SYT1: variants seen among roughly 807,000 people sequenced by gnomAD.
SYT1 encodes synaptotagmin-1.
A neutral mutation model predicts 44.8 loss-of-function variants in SYT1; 8 were observed. That is an observed-to-expected ratio of 0.18 (90% CI 0.10 to 0.32). SYT1 has a LOEUF of 0.32. Ranked by LOEUF, SYT1 falls within the 10% of genes least tolerant of loss-of-function variation. The pLI, the probability that SYT1 is intolerant of heterozygous loss-of-function variation, is 1.00. For synonymous variants in SYT1, 154 were observed against 188.8 expected, an observed-to-expected ratio of 0.82 and a Z score of 1.51; for missense variants, 286 against 509.3, an observed-to-expected ratio of 0.56 and a Z score of 4.22.
intron 3 of SYT1, among the ~76,000 whole-genome samples, chr12:79,084,885 G>A (rs182356304): frequency 6.6e-6 from 1 of 152,126 alleles, no homozygotes; most frequent in African/African-American, 2.4e-5. Context: ...AAATGCTTGG[G>A]ACCAGAAGTG....
intron 3 of SYT1, among the ~76,000 whole-genome samples, chr12:79,093,498 A>G (rs185904232): frequency 2.4e-4 from 36 of 151,842 alleles, no homozygotes; most frequent in Non-Finnish European, 4.4e-4. Flanking sequence ...TCTTGTTTTT[A>G]AAAGAGAAGA....
chr12:79,394,356 C>G (rs192620912), intron 9 of SYT1, among the ~76,000 whole-genome samples: 1 of 152,066 alleles, frequency 6.6e-6, no homozygotes, highest in African/African-American at 2.4e-5. Context: ...AAATTGAAAA[C>G]AGTAAAAATG....
chr12:78,894,988 T>C (rs555711754), intron 1 of SYT1, among the ~76,000 whole-genome samples: 1 of 151,800 alleles, frequency 6.6e-6, no homozygotes, highest in Non-Finnish European at 1.5e-5. Context: ...TTCCACAATA[T>C]ATACATATAT....
intron 4 of SYT1, among the ~76,000 whole-genome samples, chr12:79,247,940 C>T (rs555731632): frequency 1.3e-5 from 2 of 152,274 alleles, no homozygotes; most frequent in Non-Finnish European, 2.9e-5. Flanking sequence ...TAAGAAAGAA[C>T]ATCTTGAATT....
rs373201218 is a variant in SYT1, at chr12:78,871,129, C to G, written c.-217+6020C>G. ...TAAAAAGTGTTTCAAATCATACTTT[C>G]AAAATCCATCTGTGTCTGGAGACCC... On this transcript the variant is annotated intron_variant, in intron 1 of 10. Coordinates refer to ENST00000261205, the MANE Select transcript of SYT1 (RefSeq NM_005639.3). Among the ~76,000 whole-genome samples, 3 of 152,068 alleles carry G rather than the reference C, an allele frequency of 2.0e-5. No homozygotes were observed. The East Asian group carries it at 5.8e-4, about 29-fold the overall frequency.
At chr12:79,413,528 A>G (rs960546023) in intron 9 of SYT1, among the ~76,000 whole-genome samples, 5 of 152,214 alleles carry the variant, frequency 3.3e-5, no homozygotes, top group Non-Finnish European at 5.9e-5. Flanking sequence ...CCAATACAGT[A>G]AGTAGCCAGA....
intron 9 of SYT1, among the ~76,000 whole-genome samples, chr12:79,407,317 A>G (rs1216564092): frequency 2.0e-5 from 3 of 152,120 alleles, no homozygotes; most frequent in Non-Finnish European, 4.4e-5. Flanking sequence ...TCATAAGAGT[A>G]GTCTCTTCCA....
At chr12:78,931,370 AAGGAAGGAAGGAAGGAAGGAAGG>A in intron 1 of SYT1, among the ~76,000 whole-genome samples, 1 of 100,454 alleles carries the variant, frequency 1.0e-5, no homozygotes, top group African/African-American at 3.7e-5. Context: ...GGAAGGAAGG[AAGGAAGGAAGGAAGGAAGGAAGG>A]AAGGGAGGAG....
intron 4 of SYT1, among the ~76,000 whole-genome samples, chr12:79,254,194 A>G (rs1433279166): frequency 6.6e-6 from 1 of 152,196 alleles, no homozygotes; most frequent in Admixed American, 6.5e-5. Context: ...AAAGTTTCAA[A>G]GGACAGGCTG....
chr12:78,877,632 T>G (rs1157265276), intron 1 of SYT1, among the ~76,000 whole-genome samples: 1 of 151,556 alleles, frequency 6.6e-6, no homozygotes, highest in Non-Finnish European at 1.5e-5. Context: ...CATGATCAAC[T>G]AAGTTTATAT....
intron 2 of SYT1, among the ~76,000 whole-genome samples, chr12:79,005,116 T>C (rs1033502085): frequency 3.5e-4 from 53 of 152,032 alleles, no homozygotes; most frequent in Non-Finnish European, 7.1e-4. Flanking sequence ...GTGACTATGC[T>C]AATTTTATTT....
chr12:79,185,690 G>A (rs930901598), intron 3 of SYT1, among the ~76,000 whole-genome samples: 3 of 151,984 alleles, frequency 2.0e-5, no homozygotes, highest in African/African-American at 4.8e-5. Flanking sequence ...ATATGGATCA[G>A]TAGTATGTAT....
chr12:78,914,360 T>G (rs1165480530), intron 1 of SYT1, among the ~76,000 whole-genome samples: 1 of 151,916 alleles, frequency 6.6e-6, no homozygotes, highest in Non-Finnish European at 1.5e-5. Context: ...AAAATTCTAT[T>G]TCCTGGTTTG....
At chr12:79,285,749 G>C in intron 4 of SYT1, 38 bp from the exon 5 acceptor site, 1 of 1,478,842 alleles carries the variant, frequency 6.8e-7, no homozygotes, top group Admixed American at 2.2e-5. Context: ...CCACATCTAA[G>C]TGTTGTATGA....
At chr12:79,348,950 G>GA (rs144699891) in intron 8 of SYT1, among the ~76,000 whole-genome samples, 2 of 136,516 alleles carry the variant, frequency 1.5e-5, no homozygotes, top group Non-Finnish European at 3.2e-5. Flanking sequence ...GAAAAAGAAA[G>GA]AAAAAAAGAA....
At chr12:79,315,629 GT>G (rs1881045975) in intron 8 of SYT1, among the ~76,000 whole-genome samples, 1 of 152,120 alleles carries the variant, frequency 6.6e-6, no homozygotes, top group Non-Finnish European at 1.5e-5. Flanking sequence ...TCCTGGGGCT[GT>G]TTCAAAAGTT....
intron 2 of SYT1, among the ~76,000 whole-genome samples, chr12:79,001,017 A>G (rs1870705175): frequency 6.6e-6 from 1 of 152,190 alleles, no homozygotes; most frequent in Non-Finnish European, 1.5e-5. Context: ...AAGAATTCTG[A>G]AAGTTTACGT....
chr12:79,215,081 A>T (rs893924666), intron 3 of SYT1, among the ~76,000 whole-genome samples: 3 of 152,102 alleles, frequency 2.0e-5, no homozygotes, highest in African/African-American at 7.2e-5. Context: ...CAAAACTTCA[A>T]AGTTTTCCAG....
chr12:79,234,776 T>G (rs919720626), intron 4 of SYT1, among the ~76,000 whole-genome samples: 41 of 147,994 alleles, frequency 2.8e-4, no homozygotes, highest in Non-Finnish European at 4.5e-4. Flanking sequence ...AGTGGCGCAA[T>G]CTTGGCTCAC....
Sources: gnomAD v4.1 joint callset for allele counts (sites outside exome capture counted in the v4.1 genomes callset) on GRCh38, gnomAD v4.1.1 for gene constraint, MANE v1.5 for transcripts, NCBI Gene and HGNC (gene_info 2026-07-23, HGNC 2026-07-21) for gene names.